The following CTNND2 variants were observed in gnomAD, a reference collection of about 807,000 sequenced individuals.
The protein encoded by CTNND2 is catenin delta 2, also known as catenin delta-2.
Under a neutral mutation model 144.4 loss-of-function variants are expected in CTNND2, and 22 were observed. The ratio of observed to expected loss-of-function variants is 0.15; its 90% CI spans 0.11 to 0.22. The LOEUF (loss-of-function observed/expected upper bound fraction) is 0.22, where lower values mean the gene tolerates loss of function less well. Among genes scored for constraint, CTNND2 ranks in the 10% least tolerant of loss-of-function variants. The pLI, the probability that CTNND2 is intolerant of heterozygous loss-of-function variation, is 1.00. For missense variants in CTNND2, 1,353 were observed against 1,618.8 expected (o/e 0.84, Z 2.82); for synonymous variants, 751 against 695.6 (o/e 1.08, Z -1.25).
intron 3 of CTNND2, among the ~76,000 whole-genome samples, chr5:11,439,152 T>C (rs965855260): frequency 9.9e-5 from 15 of 152,104 alleles, no homozygotes; most frequent in African/African-American, 2.9e-4. Context: ...ATCCAATGCA[T>C]GGATGCATGG....
chr5:11,474,893 C>T (rs1033139634), intron 3 of CTNND2, among the ~76,000 whole-genome samples: 8 of 152,148 alleles, frequency 5.3e-5, no homozygotes, highest in African/African-American at 1.7e-4. Flanking sequence ...GCCCTATGTA[C>T]ACCTGCCCTT....
chr5:11,862,666 T>C (rs1795555568), intron 1 of CTNND2, among the ~76,000 whole-genome samples: 1 of 152,206 alleles, frequency 6.6e-6, no homozygotes. Context: ...TGCTTTCTCA[T>C]TCCCTAGCCC....
intron 19 of CTNND2, among the ~76,000 whole-genome samples, chr5:10,989,206 G>A (rs982519168): frequency 2.6e-5 from 4 of 152,222 alleles, no homozygotes; most frequent in Non-Finnish European, 4.4e-5. Flanking sequence ...CAGGAGCCAT[G>A]CGTCTGGGTG....
chr5:11,727,981 T>C lies in CTNND2; in HGVS notation c.174+4155A>G, dbSNP rs559238268. ...CTTCTTCCAAATAGTATTCTTGTTA[T>C]ATATAGAGTTAAGTTACTTTTGAAA... is the stretch of plus-strand genomic sequence containing the variant. On this transcript the variant is annotated intron_variant, in intron 2 of 21. Coordinates refer to ENST00000304623, the MANE Select transcript of CTNND2 (RefSeq NM_001332.4). Among the ~76,000 whole-genome samples the C allele has an allele frequency of 4.6e-5, 7 of 152,354 alleles. No individual in the cohort carries two copies. In the South Asian group the frequency reaches 1.0e-3, roughly 23 times the overall value.
intron 6 of CTNND2, among the ~76,000 whole-genome samples, chr5:11,392,732 G>A (rs1314168041): frequency 6.6e-6 from 1 of 152,110 alleles, no homozygotes; most frequent in African/African-American, 2.4e-5. Context: ...CTGCAAATAC[G>A]GGCCAAGGAA....
intron 21 of CTNND2, among the ~76,000 whole-genome samples, chr5:10,980,348 A>C (rs549099622): frequency 2.0e-5 from 3 of 152,340 alleles, no homozygotes; most frequent in Admixed American, 2.0e-4. Context: ...CCACAATGAG[A>C]TACCATCTCA....
chr5:11,413,527 C>T (rs1761704767), intron 3 of CTNND2, among the ~76,000 whole-genome samples: 1 of 152,136 alleles, frequency 6.6e-6, no homozygotes, highest in Non-Finnish European at 1.5e-5. Flanking sequence ...TTTGCAGAAA[C>T]TAGACTAGAA....
intron 5 of CTNND2, among the ~76,000 whole-genome samples, chr5:11,409,581 T>A (rs1761354504): frequency 6.6e-6 from 1 of 152,074 alleles, no homozygotes; most frequent in African/African-American, 2.4e-5. Context: ...TGCTGTTTGG[T>A]GCACACATGT....
rs531016201 is a variant in CTNND2, at chr5:10,992,645, C to T, written c.3117G>A (p.Ser1039=). 20 of 1,614,084 alleles carry T rather than the reference C, an allele frequency of 1.2e-5. No individual in the cohort carries two copies. The highest frequency in any genetic ancestry group is 3.3e-5 in the Admixed American group (2 of 60,024). ...DGWSQYHFVA[S]SSTIERDRQR... ...GCCGGTCCCTCTCGATGGTTGAAGA[C>T]GAGGCTACAAAGTGGTATTGTGACC... Residue 1039 remains serine (S), a synonymous_variant, in exon 19 of 22, where the codon TCG becomes TCA. Transcript: ENST00000304623.
At chr5:11,292,961 G>A (rs568080233) in intron 9 of CTNND2, among the ~76,000 whole-genome samples, 54 of 152,216 alleles carry the variant, frequency 3.5e-4, no homozygotes, top group South Asian at 2.5e-3. Context: ...TAAATCCTTT[G>A]GAAGCCCTTA....
At chr5:11,134,361 T>G (rs1024696378) in intron 12 of CTNND2, among the ~76,000 whole-genome samples, 4 of 152,168 alleles carry the variant, frequency 2.6e-5, no homozygotes, top group Non-Finnish European at 5.9e-5. Flanking sequence ...AAGAGCCCAA[T>G]GGCCAATGCC....
chr5:11,040,856 A>G lies in CTNND2; in HGVS notation c.2789-17877T>C, dbSNP rs140315564. On this transcript the variant is annotated intron_variant, in intron 16 of 21. Transcript: ENST00000304623. ...CATTGACTAATTTTAGCAGAAAGGA[A>G]TGATGAAAATTTAAACTTACTGATT... Among the ~76,000 whole-genome samples the G allele has an allele frequency of 3.3e-5, 5 of 152,344 alleles. No individual in the cohort carries two copies. In the East Asian group the frequency reaches 9.6e-4, roughly 29 times the overall value.
In CTNND2 at chr5:11,231,409, GC is replaced by G. The variant is rs529589398; in HGVS notation, c.1761+5281del. Among the ~76,000 whole-genome samples the G allele has an allele frequency of 1.1e-3, 161 of 152,236 alleles. 1 individual carries two copies. The Middle Eastern group carries it at 0.017, about 16-fold the overall frequency. On this transcript the variant is annotated intron_variant, in intron 10 of 21. Transcript: ENST00000304623. ...GAAGTTCCTAGAGACTTGTTGAATG[GC>G]TTTGACCAAAATGCTGATAGTGATA...
chr5:11,277,520 T>A (rs1388320968), intron 9 of CTNND2, among the ~76,000 whole-genome samples: 2 of 148,282 alleles, frequency 1.3e-5, no homozygotes, highest in South Asian at 4.3e-4. Flanking sequence ...ATTTATTTAT[T>A]TATTTATTTA....
At chr5:11,888,260 G>T (rs939522354) in intron 1 of CTNND2, among the ~76,000 whole-genome samples, 1 of 152,122 alleles carries the variant, frequency 6.6e-6, no homozygotes, top group Non-Finnish European at 1.5e-5. Context: ...TAGCTTAAAG[G>T]CCAAAGTTAC....
At chr5:11,166,370 T>C (rs1415570719) in intron 11 of CTNND2, among the ~76,000 whole-genome samples, 1 of 149,948 alleles carries the variant, frequency 6.7e-6, no homozygotes, top group Admixed American at 6.7e-5. Flanking sequence ...TGCCCCAGCC[T>C]CCCAAGTAGC....
chr5:11,701,600 A>C (rs1316720165), intron 2 of CTNND2, among the ~76,000 whole-genome samples: 2 of 152,134 alleles, frequency 1.3e-5, no homozygotes, highest in Non-Finnish European at 2.9e-5. Context: ...AATTTTACCC[A>C]CTTCATTTAC....
intron 2 of CTNND2, among the ~76,000 whole-genome samples, chr5:11,726,055 T>C (rs1787000199): frequency 6.6e-6 from 1 of 152,174 alleles, no homozygotes; most frequent in Non-Finnish European, 1.5e-5. Flanking sequence ...TAATTAATGA[T>C]GACATATTTT....
At chr5:11,131,350 C>G (rs763706410) in intron 12 of CTNND2, among the ~76,000 whole-genome samples, 95 of 152,256 alleles carry the variant, frequency 6.2e-4, no homozygotes, top group Non-Finnish European at 8.7e-4. Context: ...TTTGAGTCCC[C>G]TATCTTCTAA....
Sources: allele counts gnomAD v4.1 joint callset (sites outside exome capture counted in the v4.1 genomes callset), GRCh38; gene constraint gnomAD v4.1.1; transcripts MANE v1.5; gene names NCBI Gene and HGNC (gene_info 2026-07-23, HGNC 2026-07-21).